ABCA1: variants seen among roughly 807,000 people sequenced by gnomAD.
ABCA1 encodes the protein phospholipid-transporting ATPase ABCA1.
A neutral mutation model predicts 262.5 loss-of-function variants in ABCA1; 133 were observed. The observed-to-expected ratio is 0.51, with a 90% CI of 0.44 to 0.59. The LOEUF (loss-of-function observed/expected upper bound fraction) is 0.59, where lower values mean the gene tolerates loss of function less well. Among genes scored for constraint, ABCA1 ranks in the 20% least tolerant of loss-of-function variants. The pLI, the probability that ABCA1 is intolerant of heterozygous loss-of-function variation, is 0.00. For synonymous variants in ABCA1, 1,022 were observed against 1,043.5 expected (o/e 0.98, Z 0.40); for missense variants, 2,452 against 2,777.5 (o/e 0.88, Z 2.63).
chr9:104,813,383 C>T (rs1285550339), intron 27 of ABCA1, among the ~76,000 whole-genome samples: 1 of 152,218 alleles, frequency 6.6e-6, no homozygotes, highest in Non-Finnish European at 1.5e-5. Context: ...GTTAAACACA[C>T]AAAGACACAC....
At chr9:104,790,234 CG>C (rs1381518752) in intron 44 of ABCA1, among the ~76,000 whole-genome samples, 2 of 152,072 alleles carry the variant, frequency 1.3e-5, no homozygotes, top group Admixed American at 6.6e-5. Context: ...AATGGCCTAA[CG>C]GTGGCTCAGT....
At chr9:104,830,383 T>C (rs1833181742) in intron 14 of ABCA1, among the ~76,000 whole-genome samples, 1 of 151,934 alleles carries the variant, frequency 6.6e-6, no homozygotes, top group African/African-American at 2.4e-5. Context: ...ACCAAAAGGG[T>C]AGAGTGTAAA....
At chr9:104,880,334 T>A (rs1005823501) in intron 5 of ABCA1, among the ~76,000 whole-genome samples, 5 of 152,038 alleles carry the variant, frequency 3.3e-5, no homozygotes, top group African/African-American at 9.7e-5. Flanking sequence ...AGAGTGCTAT[T>A]CGCAATCAGC....
intron 8 of ABCA1, 70 bp from the exon 9 acceptor site, chr9:104,840,589 TGAGAA>T (rs1338119481): frequency 6.9e-7 from 1 of 1,448,380 alleles, no homozygotes; most frequent in Non-Finnish European, 9.4e-7. Flanking sequence ...GGGTTGGGGA[TGAGAA>T]GAGAAAGAAA....
intron 8 of ABCA1, among the ~76,000 whole-genome samples, chr9:104,842,385 A>T (rs1834456973): frequency 6.6e-6 from 1 of 152,066 alleles, no homozygotes; most frequent in African/African-American, 2.4e-5. Context: ...CAAAACACTC[A>T]CTTCTCTTTC....
chr9:104,858,451 T>TCACA, intron 7 of ABCA1, 71 bp downstream of exon 7: 1 of 1,492,720 alleles, frequency 6.7e-7, no homozygotes. Flanking sequence ...AAAGTCATGC[T>TCACA]GTCCAAGGAA....
rs1012677356 is a variant in ABCA1, at chr9:104,783,153, T to C, written c.*1162A>G. 2.6e-5 allele frequency: 4 copies of C among 152,204 alleles called. No homozygotes were observed. Among genetic ancestry groups the C allele is most frequent in the African/African-American group, 9.6e-5 (4 of 41,458 alleles). 9.4% of individuals were successfully genotyped at this position (152,204 alleles called of 1,614,324 possible). On this transcript the variant is annotated 3_prime_UTR_variant, in exon 50 of 50. Coordinates refer to ENST00000374736, the MANE Select transcript of ABCA1 (RefSeq NM_005502.4). ...CACTAGTCATGACTGATATGCAAAC[T>C]TACATAAGAAAATAAAAATAGTGGG...
At chr9:104,834,317 A>G (rs1161614903) in intron 11 of ABCA1, among the ~76,000 whole-genome samples, 1 of 149,622 alleles carries the variant, frequency 6.7e-6, no homozygotes, top group South Asian at 2.2e-4. Flanking sequence ...TACGCAGGAT[A>G]GCATATTTTA....
chr9:104,887,084 T>C (rs962939702), intron 3 of ABCA1, among the ~76,000 whole-genome samples: 3 of 152,066 alleles, frequency 2.0e-5, no homozygotes, highest in Admixed American at 6.5e-5. Context: ...TCGAGACCAG[T>C]GTGGTCAACA....
At chr9:104,792,120 G>A in intron 42 of ABCA1, 122 bp from the exon 43 acceptor site, 1 of 891,160 alleles carries the variant, frequency 1.1e-6, no homozygotes, top group East Asian at 2.6e-5. Context: ...ATAACCCTAA[G>A]CCATAGGCAT....
intron 1 of ABCA1, among the ~76,000 whole-genome samples, chr9:104,915,309 G>A (rs1039682049): frequency 2.3e-4 from 35 of 152,166 alleles, no homozygotes; most frequent in African/African-American, 7.2e-4. Context: ...AGCTAACTCG[G>A]TTAGTGACAA....
chr9:104,927,408 G>A (rs1826436924), intron 1 of ABCA1: 1 of 152,304 alleles, frequency 6.6e-6, no homozygotes, highest in African/African-American at 2.4e-5. Context: ...TTCACAGTCC[G>A]GGACTGTGCC....
chr9:104,840,761 C>T (rs982838391), intron 8 of ABCA1, among the ~76,000 whole-genome samples: 2 of 152,116 alleles, frequency 1.3e-5, no homozygotes, highest in East Asian at 1.9e-4. Flanking sequence ...GTTGGAAATG[C>T]GGATTCTGAG....
At chr9:104,846,302 G>C (rs1465753929) in intron 7 of ABCA1, among the ~76,000 whole-genome samples, 1 of 152,206 alleles carries the variant, frequency 6.6e-6, no homozygotes, top group Admixed American at 6.5e-5. Context: ...TGAGTGTTCA[G>C]GCTTCCAAAG....
rs2118822297 is a variant in ABCA1 at position 104,781,479 on chromosome 9, T to C, written c.*2836A>G. The stretch of plus-strand genomic sequence containing the variant: ...TCAGTATTACATGACACATGGCTCT[T>C]TGGAAAATATTTTACCTGATATATA... On this transcript the variant is annotated 3_prime_UTR_variant, in exon 50 of 50. Coordinates refer to ENST00000374736, the MANE Select transcript of ABCA1 (RefSeq NM_005502.4). 6.5e-6 allele frequency: 1 copy of C among 152,706 alleles called. No individual in the cohort carries two copies. Among genetic ancestry groups the C allele is most frequent in the Middle Eastern group, 3.4e-3 (1 of 294 alleles). 9.5% of individuals were successfully genotyped at this position (152,706 alleles called of 1,614,324 possible). A position where few individuals can be genotyped will look rare whatever the true frequency, so the allele number is the denominator to read the frequency against.
intron 8 of ABCA1, among the ~76,000 whole-genome samples, chr9:104,842,690 G>T (rs1233184522): frequency 6.6e-6 from 1 of 152,156 alleles, no homozygotes; most frequent in Non-Finnish European, 1.5e-5. Flanking sequence ...GTGAATGAAT[G>T]AAACTGACTT....
In ABCA1 at chr9:104,829,505, T is replaced by C. The variant is rs999774723; in HGVS notation, c.1893-367A>G. 1.2e-4 allele frequency among the ~76,000 whole-genome samples: 18 copies of C among 152,250 alleles called. 2 individuals carry two copies. The highest frequency in any genetic ancestry group is 1.1e-3 in the Admixed American group (17 of 15,288). Reference sequence around the variant, plus strand: ...CTCCAAGGTCATCTCACTATTGACTTGCTTATCGTAACTCTAATCACACCA... The same window carrying C: ...CTCCAAGGTCATCTCACTATTGACTCGCTTATCGTAACTCTAATCACACCA... On this transcript the variant is annotated intron_variant, in intron 14 of 49. Transcript: ENST00000374736.
intron 9 of ABCA1, 122 bp downstream of exon 9, chr9:104,840,157 G>C: frequency 6.5e-7 from 1 of 1,539,152 alleles, no homozygotes; most frequent in South Asian, 1.2e-5. Context: ...GCTCAGTCTG[G>C]TGGGCAAATG....
intron 43 of ABCA1, among the ~76,000 whole-genome samples, chr9:104,791,677 G>A (rs984405449): frequency 5.9e-5 from 9 of 152,060 alleles, no homozygotes; most frequent in Non-Finnish European, 8.8e-5. Flanking sequence ...CGCCCACCTC[G>A]GCCTCCCAAA....
Sources: gnomAD v4.1 joint callset for allele counts (sites outside exome capture counted in the v4.1 genomes callset) on GRCh38, gnomAD v4.1.1 for gene constraint, MANE v1.5 for transcripts, NCBI Gene and HGNC (gene_info 2026-07-23, HGNC 2026-07-21) for gene names.